Variants in ODF2 observed in about 807,000 individuals in gnomAD.
ODF2 encodes the protein outer dense fiber of sperm tails 2.
ODF2 carries 47 observed loss-of-function variants against 110.2 expected under a neutral mutation model. The observed-to-expected ratio is 0.43, with a 90% CI of 0.34 to 0.54. ODF2 has a LOEUF of 0.54. ODF2 is among the 20% of genes least tolerant of loss of function. ODF2 has a pLI of 0.03. For missense variants in ODF2, 812 were observed against 1,054.5 expected (o/e 0.77, Z 3.19); for synonymous variants, 352 against 397.7 (o/e 0.89, Z 1.37).
chr9:128,469,405 C>A (rs770408197), intron 5 of ODF2, 52 bp downstream of exon 5: 3 of 1,579,206 alleles, frequency 1.9e-6, no homozygotes, highest in Non-Finnish European at 2.6e-6. Flanking sequence ...TGTGCAGGAG[C>A]ACCCAGGTGG....
chr9:128,473,824 T>C (rs1588846177), intron 8 of ODF2, 83 bp downstream of exon 8: 1 of 1,364,856 alleles, frequency 7.3e-7, no homozygotes, highest in Admixed American at 2.0e-5. Flanking sequence ...AAAAAGAAAA[T>C]AAGATTGGTG....
chr9:128,474,950 G>A (rs1247068270), intron 8 of ODF2, among the ~76,000 whole-genome samples: 1 of 151,742 alleles, frequency 6.6e-6, no homozygotes, highest in Non-Finnish European at 1.5e-5. Context: ...GGGAACAAGA[G>A]CAAGACTTTG....
In ODF2 at chr9:128,467,191, G is replaced by A. The variant is rs1453269677; in HGVS notation, c.250-1992G>A. Among the ~76,000 whole-genome samples, 5 of 150,638 alleles carry A rather than the reference G, an allele frequency of 3.3e-5. No homozygotes were observed. In the South Asian group the frequency reaches 8.5e-4, roughly 25 times the overall value. ...AGCCTGCTACACACCTGGGCTGTAT[G>A]GTATAGCCTATTGCTCCTAGGCTAC... On this transcript the variant is annotated intron_variant, in intron 4 of 20. Coordinates refer to ENST00000604420, the Ensembl canonical transcript of ODF2.
Position 128,492,541 on chromosome 9 carries a change from G to T in ODF2, c.1647+5G>T. The T allele has an allele frequency of 6.2e-7, 1 of 1,602,868 alleles. No homozygotes were observed. The highest frequency in any genetic ancestry group is 8.5e-7 in the Non-Finnish European group (1 of 1,170,736). On this transcript the variant is annotated splice_donor_5th_base_variant and intron_variant, in intron 15 of 20. Coordinates refer to ENST00000604420, the Ensembl canonical transcript of ODF2. Reference sequence around the variant, plus strand: ...ATTGACAACTATAAGAGTCAGGTAGGCCTCACTGGGGCCCTGGCCCTTCTG... The same window carrying T: ...ATTGACAACTATAAGAGTCAGGTAGTCCTCACTGGGGCCCTGGCCCTTCTG...
In ODF2 at chr9:128,469,034, C is replaced by T. The variant is rs147551977; in HGVS notation, c.250-149C>T. 1.9e-4 allele frequency: 119 copies of T among 635,854 alleles called. No individual in the cohort carries two copies. The African/African-American group carries it at 2.0e-3, about 10-fold the overall frequency. 39.4% of individuals were successfully genotyped at this position (635,854 alleles called of 1,614,324 possible). ...TAAACATGGATAGGTAATGTTCCAT[C>T]ACAAGGGTTCAGAGTATGTTCTTCC... On this transcript the variant is annotated intron_variant, in intron 4 of 20. Coordinates refer to ENST00000604420, the Ensembl canonical transcript of ODF2.
intron 3 of ODF2, 24 bp downstream of exon 3, chr9:128,460,690 G>A (rs769708480): frequency 1.2e-6 from 2 of 1,613,428 alleles, no homozygotes; most frequent in Admixed American, 1.7e-5. Context: ...AGTGGGGCGA[G>A]GTAGTAGCTG....
intron 2 of ODF2, among the ~76,000 whole-genome samples, chr9:128,458,838 T>C (rs1230410696): frequency 6.6e-6 from 1 of 152,050 alleles, no homozygotes; most frequent in East Asian, 1.9e-4. Context: ...TGAAAAAATT[T>C]TTTTTTCTTT....
intron 14 of ODF2, among the ~76,000 whole-genome samples, chr9:128,489,142 T>TCACC (rs1439624374): frequency 1.3e-5 from 2 of 152,194 alleles, no homozygotes; most frequent in East Asian, 3.8e-4. Flanking sequence ...GCTCTTAAAC[T>TCACC]CACCATACCC....
At chr9:128,455,553 CAAAAAA>C (rs55634490), upstream of ODF2, among the ~76,000 whole-genome samples, 1 of 56,848 alleles carries the variant, frequency 1.8e-5, no homozygotes, top group African/African-American at 7.7e-5. Flanking sequence ...GAATCTGTCT[CAAAAAA>C]AAAAAAAAAA....
intron 5 of ODF2, 181 bp downstream of exon 5, chr9:128,469,534 A>C: frequency 1.6e-6 from 1 of 625,000 alleles, no homozygotes; most frequent in African/African-American, 1.8e-5. Context: ...ATCCCATCCC[A>C]CCAACAAGGG....
exon 16 of ODF2, chr9:128,492,743 C>T (rs1487425959): frequency 3.1e-6 from 5 of 1,614,046 alleles, no homozygotes; most frequent in Admixed American, 3.3e-5. Flanking sequence ...AGCTGCCCAG[C>T]TAGAACGCTG....
At chr9:128,478,754 C>T (rs1841850518) in intron 8 of ODF2, among the ~76,000 whole-genome samples, 1 of 152,118 alleles carries the variant, frequency 6.6e-6, no homozygotes. Flanking sequence ...TTTGTCCAGG[C>T]TCAGCTCCTT....
chr9:128,481,561 C>T lies in ODF2; in HGVS notation c.844-19C>T, dbSNP rs1439149448. Reference sequence around the variant, plus strand: ...TTATTGCTTAATGACTTGACTTTTTCCTTTGCCTTTCTTTGAAGGATTCTG... The same window carrying T: ...TTATTGCTTAATGACTTGACTTTTTTCTTTGCCTTTCTTTGAAGGATTCTG... On this transcript the variant is annotated intron_variant, in intron 8 of 20. Transcript: ENST00000604420. 6.2e-7 allele frequency: 1 copy of T among 1,604,146 alleles called. No individual in the cohort carries two copies. The highest frequency in any genetic ancestry group is 1.7e-5 in the Admixed American group (1 of 58,732).
chr9:128,461,628 A>G (rs1487965626), intron 4 of ODF2, among the ~76,000 whole-genome samples: 1 of 152,200 alleles, frequency 6.6e-6, no homozygotes, highest in Non-Finnish European at 1.5e-5. Context: ...CGTGTTGGCC[A>G]GGCTGGTCTC....
At chr9:128,456,527 G>T in intron 1 of ODF2, 1 of 1,527,312 alleles carries the variant, frequency 6.5e-7, no homozygotes, top group Non-Finnish European at 8.7e-7. Flanking sequence ...CCGCGGGCAG[G>T]GCTTCACCTT....
intron 1 of ODF2, 187 bp downstream of exon 1, chr9:128,456,442 C>T: frequency 2.0e-6 from 3 of 1,515,846 alleles, no homozygotes; most frequent in Non-Finnish European, 2.6e-6. Flanking sequence ...GGGGCCTCTC[C>T]TCCTCCCGCT....
intron 8 of ODF2, among the ~76,000 whole-genome samples, chr9:128,480,700 C>T (rs1362206653): frequency 6.6e-6 from 1 of 152,040 alleles, no homozygotes; most frequent in East Asian, 1.9e-4. Flanking sequence ...ATCTGTAATC[C>T]CAGCTACTCG....
intron 1 of ODF2, chr9:128,456,715 G>A: frequency 7.3e-7 from 1 of 1,367,696 alleles, no homozygotes; most frequent in Non-Finnish European, 9.4e-7. Flanking sequence ...AGGCAGCGCT[G>A]TCCCCCGGGC....
chr9:128,461,298 A>T, intron 4 of ODF2: 2 of 531,942 alleles, frequency 3.8e-6, no homozygotes, highest in African/African-American at 3.8e-5. Context: ...GACCTCAGAG[A>T]GAAGTGATTT....
Sources: allele counts gnomAD v4.1 joint callset (sites outside exome capture counted in the v4.1 genomes callset), GRCh38; gene constraint gnomAD v4.1.1; transcripts MANE v1.5; gene names NCBI Gene and HGNC (gene_info 2026-07-23, HGNC 2026-07-21).